Variants in C1GALT1 observed in about 807,000 individuals in gnomAD.
C1GALT1 encodes the protein core 1 synthase, glycoprotein-N-acetylgalactosamine 3-beta-galactosyltransferase 1.
C1GALT1 carries 11 observed loss-of-function variants against 31.0 expected under a neutral mutation model. The ratio of observed to expected loss-of-function variants is 0.36; its 90% CI spans 0.22 to 0.59. The LOEUF is 0.59. Among genes scored for constraint, C1GALT1 ranks in the 20% least tolerant of loss-of-function variants. The pLI, the probability that C1GALT1 is intolerant of heterozygous loss-of-function variation, is 0.79. For synonymous variants in C1GALT1, 175 were observed against 143.6 expected (o/e 1.22, Z -1.56); for missense variants, 424 against 425.2 (o/e 1.00, Z 0.03).
At chr7:7,179,878 GGGAT>G (rs1780551108), upstream of C1GALT1, among the ~76,000 whole-genome samples, 1 of 139,206 alleles carries the variant, frequency 7.2e-6, no homozygotes, top group Non-Finnish European at 1.6e-5. Flanking sequence ...AAAAAAAAAA[GGGAT>G]GGGTGCATAT....
At chr7:7,203,348 A>G (rs887972560) in intron 1 of C1GALT1, among the ~76,000 whole-genome samples, 5 of 152,022 alleles carry the variant, frequency 3.3e-5, no homozygotes, top group Non-Finnish European at 7.4e-5. Context: ...TTAGTCCTTT[A>G]CCATGTGTCT....
intron 1 of C1GALT1, among the ~76,000 whole-genome samples, chr7:7,218,989 A>C (rs370736402): frequency 6.6e-5 from 10 of 151,742 alleles, no homozygotes; most frequent in African/African-American, 2.4e-4. Flanking sequence ...GCCCGCCACC[A>C]CACCCGGCTA....
intron 2 of C1GALT1, among the ~76,000 whole-genome samples, chr7:7,168,628 G>T (rs1250100986): frequency 6.6e-6 from 1 of 152,072 alleles, no homozygotes; most frequent in Non-Finnish European, 1.5e-5. Flanking sequence ...CATCAACTAG[G>T]TGTATGATAA....
At chr7:7,168,039 G>C (rs188706505) in intron 2 of C1GALT1, among the ~76,000 whole-genome samples, 3 of 152,254 alleles carry the variant, frequency 2.0e-5, no homozygotes, top group Admixed American at 2.0e-4. Context: ...ACATTTCACA[G>C]GGGAATGAAC....
In C1GALT1 at chr7:7,244,706, CTTGT is replaced by C. The variant is rs754329886; in HGVS notation, c.*984_*987del. On this transcript the variant is annotated 3_prime_UTR_variant, in exon 4 of 4. Coordinates refer to ENST00000436587, the MANE Select transcript of C1GALT1 (RefSeq NM_020156.5). ...CATTCTCATCCTGTTGGGATGAGAACTTGTTTGTGCCTTTCATAACTTGTTTAAA... is the reference window on the plus strand; with the variant it reads ...CATTCTCATCCTGTTGGGATGAGAACTTGTGCCTTTCATAACTTGTTTAAA... 2.0e-5 allele frequency: 3 copies of C among 152,074 alleles called. No homozygotes were observed. The highest frequency in any genetic ancestry group is 2.9e-5 in the Non-Finnish European group (2 of 67,986). The allele number at this position is 152,074 out of a possible 1,614,324, so 9.4% of individuals were successfully genotyped here. A position where few individuals can be genotyped will look rare whatever the true frequency, so the allele number is the denominator to read the frequency against.
chr7:7,236,856 C>T (rs1267994325), intron 2 of C1GALT1, among the ~76,000 whole-genome samples: 1 of 152,152 alleles, frequency 6.6e-6, no homozygotes, highest in Non-Finnish European at 1.5e-5. Context: ...TTCCACCCAG[C>T]TTTTCCCATT....
chr7:7,213,088 TAG>T (rs1313392884), intron 1 of C1GALT1, among the ~76,000 whole-genome samples: 1 of 152,216 alleles, frequency 6.6e-6, no homozygotes, highest in African/African-American at 2.4e-5. Flanking sequence ...GCAGTCCACT[TAG>T]TTAACTCTTG....
intron 2 of C1GALT1, among the ~76,000 whole-genome samples, chr7:7,168,576 A>G (rs1014735497): frequency 7.2e-5 from 11 of 152,194 alleles, no homozygotes; most frequent in Admixed American, 6.5e-4. Flanking sequence ...CCTGTTAATG[A>G]TAACTCTTAA....
At chr7:7,207,175 T>TTC (rs912893514) in intron 1 of C1GALT1, among the ~76,000 whole-genome samples, 2 of 152,150 alleles carry the variant, frequency 1.3e-5, no homozygotes, top group African/African-American at 4.8e-5. Context: ...ATTTCAATTG[T>TTC]TCTCTCTTCA....
intron 2 of C1GALT1, among the ~76,000 whole-genome samples, chr7:7,164,862 T>C (rs1780375257): frequency 6.6e-6 from 1 of 152,158 alleles, no homozygotes; most frequent in South Asian, 2.1e-4. Context: ...TAAATCTTTC[T>C]GTCCTGAAGG....
upstream of C1GALT1, among the ~76,000 whole-genome samples, chr7:7,179,564 C>A (rs184675164): frequency 1.3e-5 from 2 of 152,266 alleles, 1 homozygote; most frequent in Non-Finnish European, 2.9e-5. Flanking sequence ...TTAAAAAATT[C>A]TATATATAGT....
chr7:7,230,688 G>C (rs960596297), intron 1 of C1GALT1, among the ~76,000 whole-genome samples: 1 of 114,526 alleles, frequency 8.7e-6, no homozygotes, highest in Non-Finnish European at 1.9e-5. Context: ...TTTTGTATTT[G>C]AATTTAATTA....
chr7:7,242,615 A>G (rs959250180), intron 3 of C1GALT1, among the ~76,000 whole-genome samples: 1 of 152,096 alleles, frequency 6.6e-6, no homozygotes, highest in African/African-American at 2.4e-5. Flanking sequence ...GATGACACCA[A>G]CATTCTCCAG....
intron 1 of C1GALT1, among the ~76,000 whole-genome samples, chr7:7,205,926 T>C (rs1781719000): frequency 6.6e-6 from 1 of 152,218 alleles, no homozygotes; most frequent in Non-Finnish European, 1.5e-5. Flanking sequence ...ACTTCTGTCA[T>C]TTTGCCATTT....
chr7:7,175,701 A>C (rs1021937617), intron 2 of C1GALT1, among the ~76,000 whole-genome samples: 1 of 152,116 alleles, frequency 6.6e-6, no homozygotes, highest in Non-Finnish European at 1.5e-5. Flanking sequence ...ACTGTAACAA[A>C]ATACCACAAA....
At chr7:7,242,772 A>G (rs931921085) in intron 3 of C1GALT1, among the ~76,000 whole-genome samples, 1 of 152,104 alleles carries the variant, frequency 6.6e-6, no homozygotes, top group Non-Finnish European at 1.5e-5. Flanking sequence ...TGAGAATTAC[A>G]TAACTGGACA....
intron 1 of C1GALT1, among the ~76,000 whole-genome samples, chr7:7,202,195 C>G (rs978903304): frequency 6.6e-6 from 1 of 152,148 alleles, no homozygotes; most frequent in African/African-American, 2.4e-5. Context: ...TTTTGGCTGT[C>G]TCAGGGGACC....
chr7:7,238,146 G>T lies in C1GALT1; in HGVS notation c.221-109G>T. ...TTCCTTTGGCTAAATCACTAATAGA[G>T]GGATAAATAGGGACTTTGAAATTAG... On this transcript the variant is annotated intron_variant, in intron 2 of 3. Coordinates refer to ENST00000436587, the MANE Select transcript of C1GALT1 (RefSeq NM_020156.5). This position sits in a 1 kb window ranked among gnomAD's most constrained non-coding sequence, Gnocchi z 5.2. 1.9e-6 allele frequency: 2 copies of T among 1,058,924 alleles called. No individual in the cohort carries two copies. Among genetic ancestry groups the T allele is most frequent in the Non-Finnish European group, 2.7e-6 (2 of 746,062 alleles). 65.6% of individuals were successfully genotyped at this position (1,058,924 alleles called of 1,614,324 possible).
At chr7:7,182,972 G>GTCGTCCGGGC (rs1320444778) in intron 1 of C1GALT1, among the ~76,000 whole-genome samples, 152 bp downstream of exon 1, 1 of 152,108 alleles carries the variant, frequency 6.6e-6, no homozygotes, top group East Asian at 1.9e-4. Context: ...CCGGGCTGGG[G>GTCGTCCGGGC]TCGTCCGGGC....
Sources: allele counts gnomAD v4.1 joint callset (sites outside exome capture counted in the v4.1 genomes callset), GRCh38; gene constraint gnomAD v4.1.1; non-coding constraint Gnocchi (gnomAD v3.1); transcripts MANE v1.5; gene names NCBI Gene and HGNC (gene_info 2026-07-23, HGNC 2026-07-21).